CHKA: variants seen among roughly 807,000 people sequenced by gnomAD.
CHKA encodes the protein CHETK-alpha.
CHKA carries 34 observed loss-of-function variants against 60.1 expected under a neutral mutation model. The ratio of observed to expected loss-of-function variants is 0.57; its 90% confidence interval spans 0.43 to 0.75. The LOEUF is 0.75. Ranked by LOEUF, CHKA falls within the 30% of genes least tolerant of loss-of-function variation. The pLI is 0.00. For synonymous variants in CHKA, 217 were observed against 223.1 expected, an observed-to-expected ratio of 0.97 and a Z score of 0.24; for missense variants, 563 against 561.3, an observed-to-expected ratio of 1.00 and a Z score of -0.03.
At chr11:68,081,363 G>A (rs1232358140) in intron 3 of CHKA, 41 bp downstream of exon 3, 2 of 1,569,574 alleles carry the variant, frequency 1.3e-6, no homozygotes, top group East Asian at 2.2e-5. Context: ...GCTAACACTA[G>A]TTCACATCTC....
Position 68,111,776 on chromosome 11 carries a change from C to T in CHKA, c.350+9052G>A, listed in dbSNP as rs971269547. On this transcript the variant is annotated intron_variant, in intron 1 of 11. Transcript: ENST00000265689. ...TCAACAAATGGTCCTGGAACATGCCCGGAGCGGTAGCTCACACCTGTAATC... is the reference window on the plus strand; with the variant it reads ...TCAACAAATGGTCCTGGAACATGCCTGGAGCGGTAGCTCACACCTGTAATC... Among the ~76,000 whole-genome samples the T allele has an allele frequency of 1.5e-4, 23 of 151,350 alleles. 1 individual carries two copies. Among genetic ancestry groups the T allele is most frequent in the African/African-American group, 5.6e-4 (23 of 41,260 alleles).
At chr11:68,075,324 AG>A (rs1376387232) in intron 3 of CHKA, among the ~76,000 whole-genome samples, 1 of 152,028 alleles carries the variant, frequency 6.6e-6, no homozygotes, top group Non-Finnish European at 1.5e-5. Flanking sequence ...ATTTAGGTCC[AG>A]GGTCTACGGC....
chr11:68,087,054 G>A (rs570628981), intron 2 of CHKA, among the ~76,000 whole-genome samples: 3 of 152,196 alleles, frequency 2.0e-5, no homozygotes, highest in South Asian at 4.1e-4. Flanking sequence ...ATCTTTAAAC[G>A]TCCAATACTA....
rs71040587 is a variant in CHKA at position 68,113,081 on chromosome 11, C to CAAA, written c.350+7744_350+7746dup. ...TGGGCAACAGAGCAAGACTCCGTCT[C>CAAA]AAAAAAAAAAAAAAAAAAAAAAAAA... is the stretch of plus-strand genomic sequence containing the variant. On this transcript the variant is annotated intron_variant, in intron 1 of 11. Transcript: ENST00000265689. Among the ~76,000 whole-genome samples, 142 of 14,528 alleles carry CAAA rather than the reference C, an allele frequency of 9.8e-3. 33 individuals carry two copies. Among genetic ancestry groups the CAAA allele is most frequent in the African/African-American group, 0.025 (127 of 5,012 alleles). 9.5% of individuals were successfully genotyped at this position (14,528 alleles called of 152,430 possible). A position where few individuals can be genotyped will look rare whatever the true frequency, so the allele number is the denominator to read the frequency against.
intron 2 of CHKA, among the ~76,000 whole-genome samples, chr11:68,089,372 C>G (rs1761426246): frequency 6.6e-6 from 1 of 152,218 alleles, no homozygotes; most frequent in Admixed American, 6.5e-5. Context: ...CCTAAGGTCT[C>G]AGGTACCCAG....
At chr11:68,092,762 C>T (rs969766542) in intron 2 of CHKA, among the ~76,000 whole-genome samples, 5 of 152,154 alleles carry the variant, frequency 3.3e-5, no homozygotes, top group African/African-American at 9.7e-5. Flanking sequence ...ACCAAATATA[C>T]TTAACTCTGA....
chr11:68,062,074 G>GT lies in CHKA; in HGVS notation c.1233-41dup, dbSNP rs773262565. ...GCAAGAAACATATAAGAGACATACA[G>GT]TATCAGTTACAGGACTGATGAAATG... On this transcript the variant is annotated intron_variant, in intron 10 of 11. Coordinates refer to ENST00000265689, the MANE Select transcript of CHKA (RefSeq NM_001277.3). The GT allele has an allele frequency of 6.7e-6, 9 of 1,348,260 alleles. No individual in the cohort carries two copies. In the African/African-American group the frequency reaches 1.3e-4, roughly 20 times the overall value. 83.5% of individuals were successfully genotyped at this position (1,348,260 alleles called of 1,614,324 possible).
At chr11:68,104,297 A>C (rs918134163) in intron 1 of CHKA, among the ~76,000 whole-genome samples, 5 of 152,154 alleles carry the variant, frequency 3.3e-5, no homozygotes, top group African/African-American at 1.2e-4. Flanking sequence ...ATCTCATAGA[A>C]GTTGAGAATA....
At chr11:68,111,196 G>A (rs1858121031) in intron 1 of CHKA, among the ~76,000 whole-genome samples, 3 of 151,054 alleles carry the variant, frequency 2.0e-5, no homozygotes, top group Admixed American at 1.3e-4. Flanking sequence ...CAGATTACCT[G>A]AGGTCAGGAG....
chr11:68,120,802 C>T, intron 1 of CHKA, 26 bp downstream of exon 1: 1 of 1,187,828 alleles, frequency 8.4e-7, no homozygotes, highest in South Asian at 2.4e-5. Flanking sequence ...GACTGTCCCG[C>T]GGCCCCCAGA....
At chr11:68,059,993 T>C (rs1161182830) in intron 11 of CHKA, among the ~76,000 whole-genome samples, 1 of 152,064 alleles carries the variant, frequency 6.6e-6, no homozygotes, top group Non-Finnish European at 1.5e-5. Context: ...CCATGTTTTT[T>C]GTTTTGTTTT....
chr11:68,120,998 C>A lies in CHKA; in HGVS notation c.180G>T (p.Pro60=). The stretch of plus-strand genomic sequence containing the variant: ...GCGGCAGCGGCAGCGGCAGCGGCGG[C>A]GGAGGGGGCAGCGCGAGCGGCGGCT... ...GQQPPLALPP[P]PPLPLPLPLP... The change falls in exon 1 of 12, where the codon CCG becomes CCT. Residue 60 remains proline, a synonymous_variant. Coordinates refer to ENST00000265689, the MANE Select transcript of CHKA (RefSeq NM_001277.3). 1 of 1,117,492 alleles carries A rather than the reference C, an allele frequency of 8.9e-7. No homozygotes were observed. The highest frequency in any genetic ancestry group is 5.0e-5 in the Admixed American group (1 of 19,980). The allele number at this position is 1,117,492 out of a possible 1,614,324, so 69.2% of individuals were successfully genotyped here. A position where few individuals can be genotyped will look rare whatever the true frequency, so the allele number is the denominator to read the frequency against.
chr11:68,053,278 T>G lies in CHKA; in HGVS notation c.*710A>C, dbSNP rs1423550377. ...CTGCCCCCGTGGCCACGCATGGCTG[T>G]CTGCACACTCCATCAGGAGGAAGGG... On this transcript the variant is annotated 3_prime_UTR_variant, in exon 12 of 12. Coordinates refer to ENST00000265689, the MANE Select transcript of CHKA (RefSeq NM_001277.3). The G allele has an allele frequency of 6.6e-6, 1 of 152,256 alleles. No individual in the cohort carries two copies. The highest frequency in any genetic ancestry group is 1.9e-4 in the East Asian group (1 of 5,180). 9.4% of individuals were successfully genotyped at this position (152,256 alleles called of 1,614,324 possible).
chr11:68,114,441 T>A (rs1858305487), intron 1 of CHKA, among the ~76,000 whole-genome samples: 1 of 152,164 alleles, frequency 6.6e-6, no homozygotes, highest in Admixed American at 6.5e-5. Flanking sequence ...CTCACCCCTG[T>A]AATTCCAACA....
intron 1 of CHKA, among the ~76,000 whole-genome samples, chr11:68,103,963 T>C (rs992791730): frequency 6.6e-6 from 1 of 151,754 alleles, no homozygotes; most frequent in Non-Finnish European, 1.5e-5. Flanking sequence ...AAATTAAAAA[T>C]CCAGCAATCC....
At chr11:68,095,733 A>AAAAC (rs1555011705) in intron 2 of CHKA, among the ~76,000 whole-genome samples, 1 of 133,450 alleles carries the variant, frequency 7.5e-6, no homozygotes, top group Non-Finnish European at 1.6e-5. Context: ...AAAAAAAAAA[A>AAAAC]ACAACAGGTA....
rs185548238 is a variant in CHKA at position 68,103,932 on chromosome 11, A to T, written c.351-6802T>A. 6.9e-4 allele frequency among the ~76,000 whole-genome samples: 105 copies of T among 152,016 alleles called. 1 individual carries two copies. The South Asian group carries it at 0.017, about 25-fold the overall frequency. ...AGTCTCAAAAAAATAAAAAATAAAT[A>T]AATTAATTAAATAAAATAAAAAATT... On this transcript the variant is annotated intron_variant, in intron 1 of 11. Coordinates refer to ENST00000265689, the MANE Select transcript of CHKA (RefSeq NM_001277.3).
intron 1 of CHKA, among the ~76,000 whole-genome samples, chr11:68,107,517 G>A (rs140273698): frequency 5.3e-4 from 81 of 151,702 alleles, no homozygotes; most frequent in African/African-American, 1.9e-3. Flanking sequence ...AATCTTCCTC[G>A]TTTCCAATGG....
At chr11:68,100,460 C>T (rs987797325) in intron 1 of CHKA, among the ~76,000 whole-genome samples, 1 of 151,784 alleles carries the variant, frequency 6.6e-6, no homozygotes, top group Non-Finnish European at 1.5e-5. Flanking sequence ...CATGGTGGCA[C>T]GTGCCTGTAA....
Sources: allele counts gnomAD v4.1 joint callset (sites outside exome capture counted in the v4.1 genomes callset), GRCh38; gene constraint gnomAD v4.1.1; transcripts MANE v1.5; gene names NCBI Gene and HGNC (gene_info 2026-07-23, HGNC 2026-07-21).